Variants in TAB2 observed in about 807,000 individuals in gnomAD.
The protein encoded by TAB2 is TGF-beta activated kinase 1 (MAP3K7) binding protein 2.
TAB2 carries 3 observed loss-of-function variants against 65.0 expected under a neutral mutation model. The ratio of observed to expected loss-of-function variants is 0.05; its 90% CI spans 0.02 to 0.12. The LOEUF is 0.12. TAB2 is among the 10% of genes least tolerant of loss of function. The probability of loss-of-function intolerance (pLI) is 1.00; values close to 1 mark genes in which losing one functional copy is unlikely to be tolerated. For synonymous variants in TAB2, 298 were observed against 285.1 expected (o/e 1.05, Z -0.46); for missense variants, 623 against 840.3 (o/e 0.74, Z 3.20).
chr6:149,282,672 T>C (rs2114686819), intron 1 of TAB2, among the ~76,000 whole-genome samples: 1 of 152,334 alleles, frequency 6.6e-6, no homozygotes, highest in East Asian at 1.9e-4. Context: ...GATGTGTGAT[T>C]AAGAGCATTA....
In TAB2 at chr6:149,236,195, G is replaced by A. The variant is rs188519751; in HGVS notation, c.-121+17419G>A. On this transcript the variant is annotated intron_variant, in intron 1 of 1. Transcript: ENST00000606202. ...CAGGCTTCACCACTACACAATATAC[G>A]CATGCAAGAAATCTGCACTTGTGCC... 1.4e-4 allele frequency among the ~76,000 whole-genome samples: 22 copies of A among 152,176 alleles called. No individual in the cohort carries two copies. In the East Asian group the frequency reaches 3.5e-3, roughly 24 times the overall value.
intron 1 of TAB2, among the ~76,000 whole-genome samples, chr6:149,308,589 A>G (rs492461): frequency 0.44 from 67,372 of 151,522 alleles, 15,756 homozygotes; most frequent in African/African-American, 0.61. Context: ...GTGCAGTGGC[A>G]CAATCTCAGG....
chr6:149,329,240 A>T (rs1583093870), intron 1 of TAB2, among the ~76,000 whole-genome samples: 1 of 152,222 alleles, frequency 6.6e-6, no homozygotes, highest in African/African-American at 2.4e-5. Flanking sequence ...CTTGGGAGGA[A>T]GAGGCAGGCA....
At chr6:149,391,174 A>G (rs561263343) in intron 3 of TAB2, among the ~76,000 whole-genome samples, 141 of 152,326 alleles carry the variant, frequency 9.3e-4, no homozygotes, top group African/African-American at 3.3e-3. Flanking sequence ...TTCTCCACAG[A>G]AAAATGTAGT....
At position 149,369,896 on chromosome 6, in the gene TAB2, C is replaced by T; in HGVS notation, c.-89-13C>T. ...ATCAGTTCTCATTAAAATTTTTTTT[C>T]TTTCTTTCACAGAAAATGCTTGGAC... is the stretch of plus-strand genomic sequence containing the variant. On this transcript the variant is annotated splice_polypyrimidine_tract_variant and intron_variant, in intron 1 of 6. Coordinates refer to ENST00000637181, the MANE Select transcript of TAB2 (RefSeq NM_001292034.3). 22 of 1,055,864 alleles carry T rather than the reference C, an allele frequency of 2.1e-5. No individual in the cohort carries two copies. Among genetic ancestry groups the T allele is most frequent in the Admixed American group, 1.2e-4 (6 of 49,994 alleles). 65.4% of individuals were successfully genotyped at this position (1,055,864 alleles called of 1,614,324 possible).
intron 1 of TAB2, among the ~76,000 whole-genome samples, chr6:149,312,530 T>C (rs1779182899): frequency 1.3e-5 from 2 of 152,170 alleles, no homozygotes; most frequent in Admixed American, 1.3e-4. Context: ...GCCCGACTAA[T>C]TTTTGTACTT....
At chr6:149,281,398 A>T (rs1479727988) in intron 1 of TAB2, among the ~76,000 whole-genome samples, 1 of 151,870 alleles carries the variant, frequency 6.6e-6, no homozygotes, top group Non-Finnish European at 1.5e-5. Context: ...ATAATCCAGC[A>T]AAGGAGACAA....
chr6:149,227,154 A>G (rs1777297360), intron 1 of TAB2, among the ~76,000 whole-genome samples: 1 of 152,232 alleles, frequency 6.6e-6, no homozygotes, highest in Non-Finnish European at 1.5e-5. Context: ...CTTTAATATT[A>G]AAACGAGAGA....
intron 1 of TAB2, among the ~76,000 whole-genome samples, chr6:149,266,674 G>A (rs1001965): frequency 0.47 from 72,051 of 152,040 alleles, 17,576 homozygotes; most frequent in East Asian, 0.69. Flanking sequence ...AAATTGGTTC[G>A]TGAACCTAGC....
In TAB2 at chr6:149,231,751, G is replaced by A. The variant is rs186550583; in HGVS notation, c.-121+12975G>A. On this transcript the variant is annotated intron_variant, in intron 1 of 1. Transcript: ENST00000606202. The stretch of plus-strand genomic sequence containing the variant: ...AAATCTCCTTTGGAAAGTTGACAGT[G>A]GGGAAGACATTTAGACCGTATCTCT... Among the ~76,000 whole-genome samples, 396 of 152,280 alleles carry A rather than the reference G, an allele frequency of 2.6e-3. 4 individuals are homozygous for A. Among genetic ancestry groups the A allele is most frequent in the African/African-American group, 9.0e-3 (375 of 41,560 alleles).
chr6:149,305,517 G>T (rs541191348), intron 1 of TAB2, among the ~76,000 whole-genome samples: 4 of 151,844 alleles, frequency 2.6e-5, no homozygotes, highest in Non-Finnish European at 5.9e-5. Context: ...CAAATGTCCT[G>T]CCTGTTCTTT....
intron 5 of TAB2, among the ~76,000 whole-genome samples, chr6:149,398,799 T>G (rs1278210378): frequency 6.6e-6 from 1 of 152,112 alleles, no homozygotes. Flanking sequence ...TGTGAAATTT[T>G]AAGTTATTTT....
intron 1 of TAB2, among the ~76,000 whole-genome samples, chr6:149,322,564 G>C (rs1779489447): frequency 6.6e-6 from 1 of 152,088 alleles, no homozygotes; most frequent in South Asian, 2.1e-4. Context: ...TTTGCCACTA[G>C]ATTTGGGATC....
intron 1 of TAB2, among the ~76,000 whole-genome samples, chr6:149,293,893 T>TA (rs935411407): frequency 3.0e-4 from 45 of 152,266 alleles, no homozygotes; most frequent in Middle Eastern, 3.4e-3. Context: ...TATAATGTTA[T>TA]AAAAAATTTG....
intron 1 of TAB2, among the ~76,000 whole-genome samples, chr6:149,273,604 A>G (rs1778403498): frequency 6.6e-6 from 1 of 152,218 alleles, no homozygotes; most frequent in South Asian, 2.1e-4. Context: ...TAGCCTCCTA[A>G]AACTTATTTG....
chr6:149,363,580 C>G (rs1780928390), intron 1 of TAB2, among the ~76,000 whole-genome samples: 1 of 152,118 alleles, frequency 6.6e-6, no homozygotes, highest in Non-Finnish European at 1.5e-5. Context: ...GAAAATCCAT[C>G]TTTAAACATG....
At chr6:149,404,053 C>T (rs1036283354) in intron 6 of TAB2, among the ~76,000 whole-genome samples, 3 of 151,964 alleles carry the variant, frequency 2.0e-5, no homozygotes, top group Non-Finnish European at 2.9e-5. Context: ...TGTTTGCAGG[C>T]GACATGATCA....
At chr6:149,222,646 T>G (rs892322040) in intron 1 of TAB2, among the ~76,000 whole-genome samples, 31 of 151,812 alleles carry the variant, frequency 2.0e-4, no homozygotes, top group Non-Finnish European at 1.5e-5. Context: ...AACTTTTTTT[T>G]CATATCTCTA....
intron 1 of TAB2, among the ~76,000 whole-genome samples, chr6:149,323,440 T>G (rs941046701): frequency 2.6e-5 from 4 of 152,180 alleles, no homozygotes; most frequent in African/African-American, 9.6e-5. Flanking sequence ...TTACCTTATC[T>G]TTTTAAGATA....
Sources: gnomAD v4.1 joint callset for allele counts (sites outside exome capture counted in the v4.1 genomes callset) on GRCh38, gnomAD v4.1.1 for gene constraint, MANE v1.5 for transcripts, NCBI Gene and HGNC (gene_info 2026-07-23, HGNC 2026-07-21) for gene names.